Variants in ST7 observed in about 807,000 individuals in gnomAD.
ST7 encodes the protein suppressor of tumorigenicity 7 protein.
In ST7, 28 loss-of-function variants were observed where a neutral mutation model predicts 78.7. The ratio of observed to expected loss-of-function variants is 0.36; its 90% confidence interval spans 0.26 to 0.49. The LOEUF is 0.49. ST7 is among the 20% of genes least tolerant of loss of function. ST7 has a pLI of 0.99. For synonymous variants in ST7, 247 were observed against 249.6 expected (o/e 0.99, Z 0.10); for missense variants, 418 against 696.0 (o/e 0.60, Z 4.49).
intron 15 of ST7, chr7:117,223,794 A>C (rs1437368906): frequency 5.2e-6 from 1 of 192,072 alleles, no homozygotes; most frequent in Non-Finnish European, 9.6e-6. Flanking sequence ...TGTCCCATTT[A>C]GAATGTGAGC....
chr7:117,060,137 G>T (rs113862535), intron 1 of ST7, among the ~76,000 whole-genome samples: 2,746 of 152,230 alleles, frequency 0.018, 32 homozygotes, highest in Non-Finnish European at 0.028. Context: ...ATAACCAGTT[G>T]ACACAAGTGC....
chr7:117,118,510 T>G (rs894278048), intron 2 of ST7: 1 of 152,224 alleles, frequency 6.6e-6, no homozygotes, highest in African/African-American at 2.4e-5. Flanking sequence ...CCAAAGTCCA[T>G]TCCAGGGTAG....
intron 2 of ST7, among the ~76,000 whole-genome samples, chr7:117,107,923 A>T (rs773458633): frequency 6.6e-6 from 1 of 151,700 alleles, no homozygotes; most frequent in East Asian, 1.9e-4. Flanking sequence ...CCCTTAGCCC[A>T]CTTTTTGAAG....
At position 117,189,369 on chromosome 7, in the gene ST7, T is replaced by G. The variant is rs537956684; in HGVS notation, c.1127T>G (p.Leu376Arg). The change falls in exon 11 of 16, where the codon CTC becomes CGC. Residue 376 changes from leucine to arginine, a missense_variant. Physicochemically the swap from Leu to Arg is moderately radical, Grantham distance 102 (BLOSUM62 -2). Around this residue, in one of 4 missense-constraint regions of ST7, gnomAD observed 288 missense variants for 537.1 expected, o/e 0.54. Transcript: ENST00000323984. ...SATICYTAAL[L>R]KARAVSDKFS... ...ACAATATGCTACACAGCTGCTTTGC[T>G]CAAAGCAAGAGCTGTCTCTGACAAG... The G allele has an allele frequency of 6.2e-7, 1 of 1,608,074 alleles. No individual in the cohort carries two copies. Among genetic ancestry groups the G allele is most frequent in the Admixed American group, 1.7e-5 (1 of 59,556 alleles).
intron 1 of ST7, among the ~76,000 whole-genome samples, chr7:116,966,303 T>A (rs1382569716): frequency 4.0e-5 from 6 of 148,186 alleles, no homozygotes; most frequent in Non-Finnish European, 8.9e-5. Context: ...AGGGCTGGAG[T>A]GCAGTGGCAT....
intron 10 of ST7, among the ~76,000 whole-genome samples, chr7:117,179,173 T>A (rs1808558875): frequency 6.6e-6 from 1 of 152,228 alleles, no homozygotes; most frequent in African/African-American, 2.4e-5. Flanking sequence ...AAGTTTCTGA[T>A]TCCCTATTAG....
intron 1 of ST7, among the ~76,000 whole-genome samples, chr7:116,962,291 G>T (rs1440748150): frequency 6.6e-6 from 1 of 152,120 alleles, no homozygotes; most frequent in Non-Finnish European, 1.5e-5. Flanking sequence ...TATTCTTTGG[G>T]TATATACCTA....
At chr7:116,975,996 C>T (rs1168134799) in intron 1 of ST7, among the ~76,000 whole-genome samples, 2 of 152,010 alleles carry the variant, frequency 1.3e-5, no homozygotes, top group Non-Finnish European at 2.9e-5. Flanking sequence ...CATGGTGGCT[C>T]ACACCTGTAA....
At chr7:117,128,300 TGTGTTTCAAGCCATGATCTGGAGTCAAG>T in intron 3 of ST7, 1 of 151,940 alleles carries the variant, frequency 6.6e-6, no homozygotes, top group East Asian at 1.9e-4. Flanking sequence ...AGCTCACCAG[TGTGTTTCAAGCCATGATCTGGAGTCAAG>T]GTGTTAGTGA....
Position 117,008,611 on chromosome 7 carries a change from T to A in ST7, c.151+54920T>A, listed in dbSNP as rs972420123. On this transcript the variant is annotated intron_variant, in intron 1 of 15. Coordinates refer to ENST00000323984, the MANE Select transcript of ST7 (RefSeq NM_001369598.1). ...ATTGAGCATTTATCACCAGTTCTAA[T>A]GTGATAGGGAATGAGGTATTGTTCA... Among the ~76,000 whole-genome samples, 12 of 152,320 alleles carry A rather than the reference T, an allele frequency of 7.9e-5. No homozygotes were observed. The South Asian group carries it at 2.1e-3, about 26-fold the overall frequency.
chr7:117,030,240 A>G (rs1015140548), intron 1 of ST7, among the ~76,000 whole-genome samples: 1 of 152,186 alleles, frequency 6.6e-6, no homozygotes, highest in African/African-American at 2.4e-5. Flanking sequence ...GTTATTTTTC[A>G]TTGATAGAAG....
At chr7:117,169,137 C>CTTTT (rs36088347) in intron 9 of ST7, among the ~76,000 whole-genome samples, 2 of 110,648 alleles carry the variant, frequency 1.8e-5, no homozygotes, top group African/African-American at 4.4e-5. Flanking sequence ...AATCTTCTTC[C>CTTTT]TTTTTTTTTT....
At chr7:116,955,590 A>G (rs1393693544) in intron 1 of ST7, among the ~76,000 whole-genome samples, 1 of 152,254 alleles carries the variant, frequency 6.6e-6, no homozygotes, top group South Asian at 2.1e-4. Context: ...ACTAGTTTTT[A>G]AAATATTAAT....
intron 9 of ST7, among the ~76,000 whole-genome samples, chr7:117,165,799 C>T (rs551766966): frequency 6.6e-6 from 1 of 152,064 alleles, no homozygotes; most frequent in Non-Finnish European, 1.5e-5. Flanking sequence ...AGTTGAGGAG[C>T]GGCCAGATTG....
intron 1 of ST7, among the ~76,000 whole-genome samples, chr7:116,987,536 C>G (rs143700006): frequency 6.6e-6 from 1 of 152,238 alleles, no homozygotes; most frequent in Non-Finnish European, 1.5e-5. Flanking sequence ...TTCAGACATA[C>G]TGATTTTCCA....
At chr7:117,062,948 T>C (rs2116454156) in intron 1 of ST7, among the ~76,000 whole-genome samples, 1 of 152,340 alleles carries the variant, frequency 6.6e-6, no homozygotes, top group Non-Finnish European at 1.5e-5. Flanking sequence ...CTGGAAACTT[T>C]CCTTTAGTTT....
chr7:117,061,712 A>T (rs1250667512), intron 1 of ST7, among the ~76,000 whole-genome samples: 1 of 152,196 alleles, frequency 6.6e-6, no homozygotes, highest in Non-Finnish European at 1.5e-5. Flanking sequence ...TATATATATA[A>T]GGGTAATAGA....
At chr7:117,140,445 A>G (rs10224415) in intron 9 of ST7, among the ~76,000 whole-genome samples, 21,277 of 152,108 alleles carry the variant, frequency 0.14, 3,000 homozygotes, top group African/African-American at 0.37. Flanking sequence ...ATTGACTGGG[A>G]GAATTAAATA....
chr7:117,198,279 T>C (rs1483421177), intron 12 of ST7: 1 of 455,058 alleles, frequency 2.2e-6, no homozygotes, highest in Non-Finnish European at 4.4e-6. Flanking sequence ...CCCTTCGTTA[T>C]CTCTTCCTTT....
Sources: allele counts gnomAD v4.1 joint callset (sites outside exome capture counted in the v4.1 genomes callset), GRCh38; gene constraint gnomAD v4.1.1; regional missense constraint gnomAD v4.1.1; transcripts MANE v1.5; gene names NCBI Gene and HGNC (gene_info 2026-07-23, HGNC 2026-07-21).